Variants in CHRNA7 observed in about 807,000 individuals in gnomAD.
The protein encoded by CHRNA7 is cholinergic receptor nicotinic alpha 7 subunit, also known as neuronal acetylcholine receptor subunit alpha-7.
A neutral mutation model predicts 48.0 loss-of-function variants in CHRNA7; 17 were observed. The ratio of observed to expected loss-of-function variants is 0.35; its 90% CI spans 0.24 to 0.53. The LOEUF is 0.53. Ranked by LOEUF, CHRNA7 falls within the 20% of genes least tolerant of loss-of-function variation. CHRNA7 has a pLI of 0.92. For synonymous variants in CHRNA7, 75 were observed against 242.3 expected (o/e 0.31, Z 6.41); for missense variants, 155 against 577.7 (o/e 0.27, Z 7.50).
chr15:32,074,256 C>T (rs2050101953), intron 2 of CHRNA7, among the ~76,000 whole-genome samples: 1 of 150,262 alleles, frequency 6.7e-6, no homozygotes, highest in Admixed American at 6.6e-5. Context: ...ATTATGTCTT[C>T]TGCAAACAGC....
chr15:32,132,984 G>T lies in CHRNA7; in HGVS notation c.351-20923G>T, dbSNP rs973802219. On this transcript the variant is annotated intron_variant, in intron 4 of 9. Transcript: ENST00000306901. ...CCTGATCATTTTTCAATGAACCTCT[G>T]GTGTGGACTTTGGGCATCCGATTGT... is the stretch of plus-strand genomic sequence containing the variant. 2.6e-5 allele frequency among the ~76,000 whole-genome samples: 4 copies of T among 152,308 alleles called. No individual in the cohort carries two copies. In the South Asian group the frequency reaches 8.3e-4, roughly 32 times the overall value.
intron 4 of CHRNA7, among the ~76,000 whole-genome samples, chr15:32,123,900 C>A (rs538914024): frequency 5.3e-5 from 8 of 151,214 alleles, no homozygotes; most frequent in Admixed American, 2.0e-4. Context: ...TAAGCTCCCC[C>A]CCGCCAAAAG....
intron 2 of CHRNA7, among the ~76,000 whole-genome samples, chr15:32,078,648 A>G (rs2050170096): frequency 6.7e-6 from 1 of 149,732 alleles, no homozygotes; most frequent in South Asian, 2.1e-4. Context: ...AGGCAGTAAT[A>G]AAAGCCTACC....
chr15:32,058,089 G>T (rs966336964), intron 2 of CHRNA7, among the ~76,000 whole-genome samples: 1 of 152,130 alleles, frequency 6.6e-6, no homozygotes, highest in Admixed American at 6.5e-5. Flanking sequence ...ACTGACTAGT[G>T]GTCCTAGGAG....
chr15:32,148,834 A>G (rs1322132463), intron 4 of CHRNA7, among the ~76,000 whole-genome samples: 1 of 152,162 alleles, frequency 6.6e-6, no homozygotes, highest in East Asian at 1.9e-4. Flanking sequence ...GCTTATCTCC[A>G]AGTGTGTGAT....
intron 4 of CHRNA7, among the ~76,000 whole-genome samples, chr15:32,147,221 G>A (rs1399522664): frequency 6.6e-6 from 1 of 152,178 alleles, no homozygotes; most frequent in Admixed American, 6.5e-5. Context: ...CATAAAGATG[G>A]CAACAACAGA....
intron 2 of CHRNA7, among the ~76,000 whole-genome samples, chr15:32,044,102 T>A (rs1170639259): frequency 1.3e-5 from 2 of 152,216 alleles, no homozygotes; most frequent in Non-Finnish European, 2.9e-5. Flanking sequence ...ATTTTATTCT[T>A]TGTCTTTGAT....
chr15:32,152,437 C>A (rs544383846), intron 4 of CHRNA7, among the ~76,000 whole-genome samples: 90 of 151,940 alleles, frequency 5.9e-4, no homozygotes, highest in African/African-American at 2.1e-3. Flanking sequence ...AGCTAGACTC[C>A]ATTTCAAAAA....
intron 2 of CHRNA7, among the ~76,000 whole-genome samples, chr15:32,062,370 T>C (rs1566812428): frequency 6.6e-6 from 1 of 152,242 alleles, no homozygotes; most frequent in Non-Finnish European, 1.5e-5. Flanking sequence ...GATTCACAGC[T>C]GAGAGCCATG....
chr15:32,040,815 C>T (rs1408926853), intron 2 of CHRNA7, among the ~76,000 whole-genome samples: 3 of 151,812 alleles, frequency 2.0e-5, no homozygotes, highest in Non-Finnish European at 1.5e-5. Context: ...GTATCGTTTC[C>T]CTTTTTTTAA....
At chr15:32,031,715 C>G (rs894018560) in intron 2 of CHRNA7, among the ~76,000 whole-genome samples, 1 of 152,350 alleles carries the variant, frequency 6.6e-6, no homozygotes, top group South Asian at 2.1e-4. Flanking sequence ...TGCTAGTGCC[C>G]ACTTCAGTTA....
intron 2 of CHRNA7, among the ~76,000 whole-genome samples, chr15:32,072,093 C>T (rs1344635953): frequency 6.6e-6 from 1 of 152,088 alleles, no homozygotes; most frequent in Non-Finnish European, 1.5e-5. Context: ...ACAGTGAAAA[C>T]CAGGCTGATG....
At chr15:32,112,323 C>T (rs1407596177) in intron 4 of CHRNA7, 4 of 458,214 alleles carry the variant, frequency 8.7e-6, no homozygotes, top group Non-Finnish European at 1.8e-5. Context: ...TCTATGTTCC[C>T]TGTTGTGCAT....
intron 3 of CHRNA7, among the ~76,000 whole-genome samples, chr15:32,106,728 A>G (rs369773349): frequency 9.2e-5 from 14 of 152,304 alleles, no homozygotes; most frequent in South Asian, 6.2e-4. Flanking sequence ...GTCTTCTGTC[A>G]TTTTGCAATT....
At chr15:32,114,043 T>TATATATACACAC (rs58019100) in intron 4 of CHRNA7, among the ~76,000 whole-genome samples, 73 of 77,742 alleles carry the variant, frequency 9.4e-4, no homozygotes, top group South Asian at 2.3e-3. Context: ...TATATATATA[T>TATATATACACAC]GTATATATAT....
At chr15:32,105,662 C>G (rs1239226074) in intron 3 of CHRNA7, among the ~76,000 whole-genome samples, 1 of 152,200 alleles carries the variant, frequency 6.6e-6, no homozygotes, top group Non-Finnish European at 1.5e-5. Context: ...AGGAGAGGCA[C>G]AAATTCTCCT....
At chr15:32,060,289 T>C (rs912182725) in intron 2 of CHRNA7, among the ~76,000 whole-genome samples, 2 of 152,184 alleles carry the variant, frequency 1.3e-5, no homozygotes, top group African/African-American at 2.4e-5. Context: ...TCTAAGATAC[T>C]TTTCTATATC....
intron 2 of CHRNA7, among the ~76,000 whole-genome samples, chr15:32,087,705 C>T (rs1213874524): frequency 3.9e-5 from 6 of 152,120 alleles, no homozygotes; most frequent in African/African-American, 7.2e-5. Flanking sequence ...CTTAACTGTT[C>T]GATTGCAATA....
At chr15:32,054,665 C>T (rs1030670608) in intron 2 of CHRNA7, among the ~76,000 whole-genome samples, 7 of 152,212 alleles carry the variant, frequency 4.6e-5, no homozygotes, top group African/African-American at 1.7e-4. Flanking sequence ...CACCCAAGCA[C>T]ACAGCATGCG....
Sources: gnomAD v4.1 joint callset for allele counts (sites outside exome capture counted in the v4.1 genomes callset) on GRCh38, gnomAD v4.1.1 for gene constraint, MANE v1.5 for transcripts, NCBI Gene and HGNC (gene_info 2026-07-23, HGNC 2026-07-21) for gene names.